The following LRIG2 variants were observed in gnomAD, a reference collection of about 807,000 sequenced individuals.
LRIG2 encodes leucine-rich repeats and immunoglobulin-like domains protein 2.
A neutral mutation model predicts 107.8 loss-of-function variants in LRIG2; 93 were observed. That is an observed-to-expected ratio of 0.86 (90% CI 0.73 to 1.03). The LOEUF (loss-of-function observed/expected upper bound fraction) is 1.03. Ranked by LOEUF, LRIG2 falls within the 50% of genes least tolerant of loss-of-function variation. The pLI is 0.00. For synonymous variants in LRIG2, 471 were observed against 470.6 expected (o/e 1.00, Z -0.01); for missense variants, 1,226 against 1,296.0 (o/e 0.95, Z 0.83).
intron 8 of LRIG2, 62 bp downstream of exon 8, chr1:113,096,427 A>T: frequency 6.5e-7 from 1 of 1,528,366 alleles, no homozygotes; most frequent in Non-Finnish European, 8.9e-7. Flanking sequence ...AATAAAGCAA[A>T]TTAATTAAAA....
intron 1 of LRIG2, among the ~76,000 whole-genome samples, chr1:113,080,532 A>G (rs1298032243): frequency 6.6e-6 from 1 of 151,668 alleles, no homozygotes; most frequent in South Asian, 2.1e-4. Context: ...GGCACCTACC[A>G]CCACGCCCGG....
intron 11 of LRIG2, chr1:113,103,125 CAG>C (rs1188089805): frequency 6.6e-6 from 1 of 152,072 alleles, no homozygotes; most frequent in Non-Finnish European, 1.5e-5. Context: ...TCTCAATCTT[CAG>C]AGAGTCATTT....
chr1:113,084,756 G>A (rs1653470540), intron 1 of LRIG2, among the ~76,000 whole-genome samples: 1 of 152,190 alleles, frequency 6.6e-6, no homozygotes, highest in African/African-American at 2.4e-5. Context: ...TTCTTTAAAG[G>A]TCTTTCAATC....
chr1:113,107,266 A>G (rs184897363), intron 11 of LRIG2, among the ~76,000 whole-genome samples: 76 of 152,310 alleles, frequency 5.0e-4, no homozygotes, highest in Middle Eastern at 3.4e-3. Context: ...TACAGAGTCC[A>G]TACTCAAATT....
Position 113,116,435 on chromosome 1 carries a change from C to A in LRIG2, c.2679C>A (p.Asp893Glu). 2 of 1,505,326 alleles carry A rather than the reference C, an allele frequency of 1.3e-6. No individual in the cohort carries two copies. Among genetic ancestry groups the A allele is most frequent in the Non-Finnish European group, 1.8e-6 (2 of 1,122,440 alleles). 93.2% of individuals were successfully genotyped at this position (1,505,326 alleles called of 1,614,324 possible). The change falls in exon 16 of 18, where the codon GAC (aspartate) becomes GAA (glutamate). Residue 893 changes from aspartate to glutamate, a missense_variant and splice_region_variant. By Grantham distance (45) the Asp-to-Glu change is conservative (BLOSUM62 2). This residue lies in a region of LRIG2 where 642 missense variants were observed against 712.2 expected (regional missense o/e 0.90). Coordinates refer to ENST00000361127, the MANE Select transcript of LRIG2 (RefSeq NM_014813.3). ...PANGYIHKGT[D>E]GGTGTRVICS... is the part of the protein sequence containing the mutation. The stretch of plus-strand genomic sequence containing the variant: ...ATGGATATATACACAAAGGCACTGA[C>A]GGTAATGACTCTGTTGTTTATGGTT...
In LRIG2 at chr1:113,093,059, A is replaced by C. The variant is rs555487236; in HGVS notation, c.306-147A>C. The C allele has an allele frequency of 5.2e-6, 3 of 577,318 alleles. No homozygotes were observed. The African/African-American group carries it at 6.0e-5, about 12-fold the overall frequency. The allele number at this position is 577,318 out of a possible 1,614,324, so 35.8% of individuals were successfully genotyped here. ...AAACCTCTAATTTCTCAATAAATAC[A>C]TTTTTATTTTCGTCTAACTCATTCT... On this transcript the variant is annotated intron_variant, in intron 2 of 17. Coordinates refer to ENST00000361127, the MANE Select transcript of LRIG2 (RefSeq NM_014813.3).
chr1:113,098,853 G>C, intron 9 of LRIG2, 68 bp downstream of exon 9: 1 of 935,128 alleles, frequency 1.1e-6, no homozygotes, highest in Non-Finnish European at 1.7e-6. Context: ...AAATATGATT[G>C]AATTATGTTT....
At position 113,112,753 on chromosome 1, in the gene LRIG2, A is replaced by G. The variant is rs1387535805; in HGVS notation, c.2073A>G (p.Thr691=). 2 of 1,599,280 alleles carry G rather than the reference A, an allele frequency of 1.3e-6. No individual in the cohort carries two copies. Among genetic ancestry groups the G allele is most frequent in the South Asian group, 2.2e-5 (2 of 90,692 alleles). The change falls in exon 14 of 18, where the codon ACA becomes ACG. Residue 691 remains threonine (T), a synonymous_variant. Transcript: ENST00000361127. The part of the protein sequence containing the change: ...AGGLSANASL[T]VLETPSFIRP... ...GTCTCTCAGCAAATGCTTCCCTAAC[A>G]GTGTTAGGTACGTTTACTGCTCCAT...
At chr1:113,093,983 C>T (rs1031169609) in intron 4 of LRIG2, among the ~76,000 whole-genome samples, 33 of 152,044 alleles carry the variant, frequency 2.2e-4, no homozygotes, top group Non-Finnish European at 3.8e-4. Flanking sequence ...TGGTAGATAT[C>T]AAGGGTAATT....
Position 113,110,580 on chromosome 1 carries a change from T to G in LRIG2, c.1798+18T>G, listed in dbSNP as rs1192965495. On this transcript the variant is annotated intron_variant, in intron 13 of 17. Transcript: ENST00000361127. ...TGTAAATGGTAAGGAATTATGCTCCTTGATTTTTTTTAGTTTAGAAGGATT... is the reference window on the plus strand; with the variant it reads ...TGTAAATGGTAAGGAATTATGCTCCGTGATTTTTTTTAGTTTAGAAGGATT... 1 of 1,539,430 alleles carries G rather than the reference T, an allele frequency of 6.5e-7. No individual in the cohort carries two copies.
At chr1:113,083,218 C>T (rs76465426) in intron 1 of LRIG2, among the ~76,000 whole-genome samples, 2 of 112,366 alleles carry the variant, frequency 1.8e-5, no homozygotes, top group African/African-American at 3.2e-5. Flanking sequence ...CTACTGCACA[C>T]TTTTTTTTTT....
chr1:113,097,834 G>A (rs183199034), intron 8 of LRIG2, among the ~76,000 whole-genome samples: 37 of 152,236 alleles, frequency 2.4e-4, no homozygotes, highest in African/African-American at 8.9e-4. Flanking sequence ...GGAGGAGGGG[G>A]AAAATCCTGA....
chr1:113,129,387 C>CA lies in LRIG2; in HGVS notation c.*5287dup, dbSNP rs1302048454. On this transcript the variant is annotated 3_prime_UTR_variant, in exon 18 of 18. Coordinates refer to ENST00000361127, the MANE Select transcript of LRIG2 (RefSeq NM_014813.3). ...GTGGTCCTTCTACTGACAGTGCTGT[C>CA]AGAGTCTGGTCTCCTAAAGAGCCAG... The CA allele has an allele frequency of 6.6e-6, 1 of 150,706 alleles. No homozygotes were observed. The highest frequency in any genetic ancestry group is 2.4e-5 in the African/African-American group (1 of 40,954). The allele number at this position is 150,706 out of a possible 1,614,324, so 9.3% of individuals were successfully genotyped here. A position where few individuals can be genotyped will look rare whatever the true frequency, so the allele number is the denominator to read the frequency against.
intron 1 of LRIG2, among the ~76,000 whole-genome samples, chr1:113,087,952 C>T (rs897943051): frequency 3.3e-5 from 5 of 152,168 alleles, no homozygotes; most frequent in African/African-American, 7.2e-5. Context: ...ACAACCCTAG[C>T]GCTTAGTCCA....
At chr1:113,082,272 T>G (rs1251055562) in intron 1 of LRIG2, among the ~76,000 whole-genome samples, 1 of 152,228 alleles carries the variant, frequency 6.6e-6, no homozygotes, top group East Asian at 1.9e-4. Context: ...TTTGTTAGTT[T>G]ATAAGATATC....
Position 113,114,656 on chromosome 1 carries a change from C to T in LRIG2, c.2310C>T (p.Asn770=). 1.2e-6 allele frequency: 2 copies of T among 1,614,132 alleles called. No individual in the cohort carries two copies. The highest frequency in any genetic ancestry group is 1.7e-6 in the Non-Finnish European group (2 of 1,180,030). The change falls in exon 15 of 18, where the codon AAC becomes AAT. Residue 770 remains asparagine (N), a synonymous_variant. Coordinates refer to ENST00000361127, the MANE Select transcript of LRIG2 (RefSeq NM_014813.3). ...DAGKYTCIMS[N]TLGTERGHIY... The stretch of plus-strand genomic sequence containing the variant: ...GGAAATATACCTGCATTATGTCTAA[C>T]ACCCTTGGGACAGAACGTGGCCACA...
intron 1 of LRIG2, among the ~76,000 whole-genome samples, chr1:113,087,974 A>G (rs557795997): frequency 2.2e-4 from 34 of 152,352 alleles, no homozygotes; most frequent in Non-Finnish European, 1.5e-4. Flanking sequence ...TGCCTGGCAC[A>G]TGGTCCAATA....
chr1:113,119,803 A>G (rs907717451), intron 17 of LRIG2, among the ~76,000 whole-genome samples: 9 of 152,156 alleles, frequency 5.9e-5, no homozygotes, highest in African/African-American at 9.7e-5. Flanking sequence ...AAAAGGTTTC[A>G]TACAGGCTAT....
Position 113,110,412 on chromosome 1 carries a change from C to T in LRIG2, c.1648C>T (p.Arg550Cys), listed in dbSNP as rs201326654. Residue 550 changes from arginine (R) to cysteine (C), a missense_variant, in exon 13 of 18, where the codon CGT becomes TGT. This residue lies in a region of LRIG2 where 642 missense variants were observed against 712.2 expected (regional missense o/e 0.90). Transcript: ENST00000361127. ...LYDVDTENFV[R>C]YWQQAGEALE... ...TGACGTGGATACTGAGAATTTTGTT[C>T]GTTATTGGCAGCAAGCTGGAGAAGC... The T allele has an allele frequency of 1.2e-4, 193 of 1,614,080 alleles. 1 individual carries two copies. The highest frequency in any genetic ancestry group is 4.0e-4 in the Admixed American group (24 of 59,992).
Sources: allele counts gnomAD v4.1 joint callset (sites outside exome capture counted in the v4.1 genomes callset), GRCh38; gene constraint gnomAD v4.1.1; regional missense constraint gnomAD v4.1.1; transcripts MANE v1.5; gene names NCBI Gene and HGNC (gene_info 2026-07-23, HGNC 2026-07-21).